RAI1: variants seen among roughly 807,000 people sequenced by gnomAD.
RAI1 encodes the protein retinoic acid-induced protein 1.
In RAI1, 9 loss-of-function variants were observed where a neutral mutation model predicts 123.8. The ratio of observed to expected loss-of-function variants is 0.07; its 90% CI spans 0.04 to 0.13. The LOEUF (loss-of-function observed/expected upper bound fraction) is 0.13, where lower values mean the gene tolerates loss of function less well. RAI1 is among the 10% of genes least tolerant of loss of function. RAI1 has a pLI of 1.00. For missense variants in RAI1, 2,256 were observed against 2,545.8 expected (o/e 0.89, Z 2.45); for synonymous variants, 1,231 against 1,127.3 (o/e 1.09, Z -1.84).
chr17:17,780,687 G>C (rs2031543646), intron 2 of RAI1, among the ~76,000 whole-genome samples: 1 of 152,220 alleles, frequency 6.6e-6, no homozygotes, highest in African/African-American at 2.4e-5. Context: ...GACACAGGAG[G>C]GGGTCAGACG....
chr17:17,773,399 CA>C (rs2031236151), intron 2 of RAI1, among the ~76,000 whole-genome samples: 1 of 152,124 alleles, frequency 6.6e-6, no homozygotes, highest in Non-Finnish European at 1.5e-5. Context: ...CTCCCTTCTT[CA>C]GGGGGACACC....
chr17:17,803,991 C>T (rs1303711246), intron 4 of RAI1, 142 bp downstream of exon 4: 2 of 849,844 alleles, frequency 2.4e-6, no homozygotes, highest in South Asian at 2.9e-5. Context: ...ATTCTTTTAT[C>T]CTTCTGTCTG....
intron 1 of RAI1, among the ~76,000 whole-genome samples, chr17:17,712,067 T>G (rs1040147277): frequency 1.3e-5 from 2 of 152,236 alleles, no homozygotes; most frequent in Admixed American, 1.3e-4. Context: ...AAACCACACA[T>G]GTCCGCAGGC....
Position 17,809,840 on chromosome 17 carries a change from G to GGT in RAI1, c.5710-130_5710-129insGT, listed in dbSNP as rs1269553835. 2.3e-3 allele frequency: 3,042 copies of GGT among 1,322,520 alleles called. 12 individuals carry two copies. In the Middle Eastern group the frequency reaches 0.025, roughly 11 times the overall value. 81.9% of individuals were successfully genotyped at this position (1,322,520 alleles called of 1,614,324 possible). On this transcript the variant is annotated intron_variant, in intron 5 of 5. Transcript: ENST00000353383. The surrounding 1 kb of genome is among the most constrained non-coding windows in gnomAD (Gnocchi z 4.9). Reference sequence around the variant, plus strand: ...GAAGGGGTGGTGCCGACGGCCTCGGGCGGAGACCCCAGCCGCGCTCTGGGG... The same window carrying GGT: ...GAAGGGGTGGTGCCGACGGCCTCGGGGTCGGAGACCCCAGCCGCGCTCTGGGG...
intron 2 of RAI1, among the ~76,000 whole-genome samples, chr17:17,770,639 G>T (rs1309787817): frequency 6.6e-6 from 1 of 151,986 alleles, no homozygotes; most frequent in East Asian, 1.9e-4. Flanking sequence ...GGGGGTGGGT[G>T]GGGGTGGGTA....
chr17:17,706,836 T>G (rs1486103041), intron 1 of RAI1, among the ~76,000 whole-genome samples: 2 of 152,098 alleles, frequency 1.3e-5, no homozygotes, highest in Non-Finnish European at 2.9e-5. Context: ...AGGGGAAAAG[T>G]TTTTAAAGAT....
At chr17:17,754,692 CTACTAG>C (rs1209351850) in intron 2 of RAI1, among the ~76,000 whole-genome samples, 15 of 152,192 alleles carry the variant, frequency 9.9e-5, no homozygotes, top group Admixed American at 7.9e-4. Context: ...CAGCCTGTAC[CTACTAG>C]TGTTCAGTTC....
chr17:17,747,921 T>C (rs2029990750), intron 2 of RAI1, among the ~76,000 whole-genome samples: 1 of 152,130 alleles, frequency 6.6e-6, no homozygotes, highest in Non-Finnish European at 1.5e-5. Context: ...AAAAATTAGC[T>C]GAGCATGGTG....
intron 2 of RAI1, among the ~76,000 whole-genome samples, chr17:17,744,877 C>G (rs894297989): frequency 6.7e-6 from 1 of 150,242 alleles, no homozygotes; most frequent in East Asian, 2.0e-4. Flanking sequence ...GAGGTCTTTA[C>G]TTTTACTAGT....
intron 2 of RAI1, among the ~76,000 whole-genome samples, chr17:17,787,505 A>G (rs2031867912): frequency 6.6e-6 from 1 of 152,212 alleles, no homozygotes. Flanking sequence ...TACAGAACTG[A>G]TAATAGGTGA....
chr17:17,739,942 G>A (rs887324518), intron 2 of RAI1, among the ~76,000 whole-genome samples: 3 of 152,234 alleles, frequency 2.0e-5, no homozygotes, highest in South Asian at 2.1e-4. Flanking sequence ...TACAGCCGCT[G>A]AGCTAACATG....
At chr17:17,792,229 C>G (rs1478603503) in intron 2 of RAI1, among the ~76,000 whole-genome samples, 2 of 152,200 alleles carry the variant, frequency 1.3e-5, no homozygotes, top group Admixed American at 1.3e-4. Flanking sequence ...TCTACAGTGG[C>G]TTGGCAGCCC....
intron 2 of RAI1, among the ~76,000 whole-genome samples, chr17:17,750,094 A>G (rs556865694): frequency 1.3e-5 from 2 of 152,202 alleles, no homozygotes; most frequent in African/African-American, 4.8e-5. Flanking sequence ...CTGGAAGGAG[A>G]TATCACTTGC....
At chr17:17,698,880 C>T (rs750036045) in intron 1 of RAI1, among the ~76,000 whole-genome samples, 1 of 152,238 alleles carries the variant, frequency 6.6e-6, no homozygotes, top group African/African-American at 2.4e-5. Context: ...AAATCCCTGC[C>T]CTTGAGGGAG....
chr17:17,695,474 C>T (rs1365673866), intron 1 of RAI1, among the ~76,000 whole-genome samples: 1 of 152,120 alleles, frequency 6.6e-6, no homozygotes, highest in African/African-American at 2.4e-5. Flanking sequence ...TTCTCGTGCC[C>T]TAAGTCCCTA....
At chr17:17,730,430 C>T (rs372090943) in intron 2 of RAI1, among the ~76,000 whole-genome samples, 1 of 152,238 alleles carries the variant, frequency 6.6e-6, no homozygotes, top group East Asian at 1.9e-4. Context: ...CCTCATGGGG[C>T]GCGGTAGCTC....
Position 17,794,381 on chromosome 17 carries a change from G to A in RAI1, c.1433G>A (p.Ser478Asn). The part of the protein sequence containing the change: ...LVSRTPEQHK[S>N]QHCSPEGSGY... ...TCCAGGACCCCAGAGCAGCATAAAA[G>A]CCAGCACTGCAGCCCCGAAGGGAGC... Residue 478 changes from serine (S) to asparagine (N), a missense_variant, in exon 3 of 6, where the codon AGC becomes AAC. Ser to Asn is a conservative substitution (Grantham distance 46). Transcript: ENST00000353383. 3 of 1,613,226 alleles carry A rather than the reference G, an allele frequency of 1.9e-6. No homozygotes were observed. Among genetic ancestry groups the A allele is most frequent in the Non-Finnish European group, 2.5e-6 (3 of 1,180,044 alleles).
At chr17:17,764,949 T>C (rs1188656116) in intron 2 of RAI1, among the ~76,000 whole-genome samples, 1 of 152,230 alleles carries the variant, frequency 6.6e-6, no homozygotes, top group East Asian at 1.9e-4. Context: ...GGTTTTTCAT[T>C]ATTGTGTAGT....
chr17:17,782,896 C>T (rs1216793131), intron 2 of RAI1, among the ~76,000 whole-genome samples: 4 of 152,220 alleles, frequency 2.6e-5, no homozygotes, highest in African/African-American at 9.6e-5. Flanking sequence ...GGGGAGGGAG[C>T]TGCGGAGGCC....
Sources: allele counts gnomAD v4.1 joint callset (sites outside exome capture counted in the v4.1 genomes callset), GRCh38; gene constraint gnomAD v4.1.1; non-coding constraint Gnocchi (gnomAD v3.1); transcripts MANE v1.5; gene names NCBI Gene and HGNC (gene_info 2026-07-23, HGNC 2026-07-21).